The following DLST variants were observed in gnomAD, a reference collection of about 807,000 sequenced individuals.
The protein encoded by DLST is dihydrolipoyllysine-residue succinyltransferase component of 2-oxoglutarate dehydrogenase complex, mitochondrial.
Under a neutral mutation model 53.1 loss-of-function variants are expected in DLST, and 17 were observed. The observed-to-expected ratio is 0.32, with a 90% CI of 0.22 to 0.48. The LOEUF is 0.48. DLST is among the 20% of genes least tolerant of loss of function. DLST has a pLI of 0.99. For missense variants in DLST, 512 were observed against 583.9 expected, an observed-to-expected ratio of 0.88 and a Z score of 1.27; for synonymous variants, 206 against 204.8, an observed-to-expected ratio of 1.01 and a Z score of -0.05.
intron 7 of DLST, 48 bp from the exon 8 acceptor site, chr14:74,892,786 T>G (rs1489551446): frequency 6.5e-7 from 1 of 1,538,822 alleles, no homozygotes; most frequent in Non-Finnish European, 8.7e-7. Context: ...GCTTGGTTGC[T>G]TCTCATTTCA....
chr14:74,894,286 A>C, intron 9 of DLST, 26 bp from the exon 10 acceptor site: 1 of 1,613,082 alleles, frequency 6.2e-7, no homozygotes. Context: ...TCAGATTGTC[A>C]ATGCTTGTTC....
At chr14:74,882,554 T>A in intron 1 of DLST, 37 bp from the exon 2 acceptor site, 1 of 1,610,808 alleles carries the variant, frequency 6.2e-7, no homozygotes, top group Non-Finnish European at 8.5e-7. Flanking sequence ...TTTTTTTTCA[T>A]CTTGGGTGAC....
intron 3 of DLST, chr14:74,886,091 T>C (rs971661678): frequency 7.0e-5 from 11 of 157,948 alleles, no homozygotes; most frequent in African/African-American, 2.7e-4. Flanking sequence ...GGAATGCTGT[T>C]ATTGCATAAT....
In DLST at chr14:74,889,138, G is replaced by A. The variant is rs1226148503; in HGVS notation, c.190G>A (p.Ala64Thr). The change falls in exon 4 of 15, where the codon GCT becomes ACT. Residue 64 changes from alanine to threonine, a missense_variant. Around this residue, in one of 4 missense-constraint regions of DLST, gnomAD observed 129 missense variants for 90.9 expected, o/e 1.42. Coordinates refer to ENST00000334220, the MANE Select transcript of DLST (RefSeq NM_001933.5). ...CAGTGTTCGCTTTTTCAGAACTACA[G>A]CTGTATGCAGTAAGTACCTGCTTTC... ...VFSVRFFRTT[A>T]VCKDDLVTVK... is the part of the protein sequence containing the mutation. The A allele has an allele frequency of 6.2e-7, 1 of 1,614,058 alleles. No individual in the cohort carries two copies. Among genetic ancestry groups the A allele is most frequent in the Non-Finnish European group, 8.5e-7 (1 of 1,180,030 alleles).
In DLST at chr14:74,885,633, G is replaced by A. The variant is rs61755652; in HGVS notation, c.145G>A (p.Val49Ile). ...GPGYPNSRKVVINNSVFSVRF... is the reference protein window; with the variant it reads ...GPGYPNSRKVIINNSVFSVRF... Reference sequence around the variant, plus strand: ...AGGTTACCCTAACAGCAGGAAGGTTGTGTAAGTATCACTGGGGAGTACAGA... The same window carrying A: ...AGGTTACCCTAACAGCAGGAAGGTTATGTAAGTATCACTGGGGAGTACAGA... Residue 49 changes from valine to isoleucine, a missense_variant and splice_region_variant, in exon 3 of 15, where the codon GTC becomes ATC. By Grantham distance (29) the Val-to-Ile change is conservative (BLOSUM62 3). Around this residue, in one of 4 missense-constraint regions of DLST, gnomAD observed 129 missense variants for 90.9 expected, o/e 1.42. Coordinates refer to ENST00000334220, the MANE Select transcript of DLST (RefSeq NM_001933.5). 1,005 of 1,612,968 alleles carry A rather than the reference G, an allele frequency of 6.2e-4. 5 individuals are homozygous for A. The highest frequency in any genetic ancestry group is 3.7e-3 in the South Asian group (336 of 90,954).
chr14:74,894,336 C>T lies in DLST; in HGVS notation c.697C>T (p.Arg233Cys), dbSNP rs1402244328. Residue 233 changes from arginine to cysteine, a missense_variant, in exon 10 of 15, where the codon CGC becomes TGC. Physicochemically the swap from Arg to Cys is radical, Grantham distance 180 (BLOSUM62 -3). This residue lies in a region of DLST where 162 missense variants were observed against 162.0 expected (regional missense o/e 1.00). Coordinates refer to ENST00000334220, the MANE Select transcript of DLST (RefSeq NM_001933.5). ...HREKMNRMRQRIAQRLKEAQN... is the reference protein window; with the variant it reads ...HREKMNRMRQCIAQRLKEAQN... ...GGAGAAAATGAACAGGATGCGGCAG[C>T]GCATTGCTCAGCGTCTGAAGGAGGC... The T allele has an allele frequency of 1.9e-6, 3 of 1,614,112 alleles. No homozygotes were observed. Among genetic ancestry groups the T allele is most frequent in the South Asian group, 1.1e-5 (1 of 91,068 alleles).
At chr14:74,891,987 A>G (rs577460482) in intron 7 of DLST, 1 of 402,328 alleles carries the variant, frequency 2.5e-6, no homozygotes, top group East Asian at 1.6e-4. Context: ...ACAGAAACAA[A>G]CATTTCATTT....
At chr14:74,896,099 T>C (rs1228530837) in intron 10 of DLST, among the ~76,000 whole-genome samples, 1 of 152,154 alleles carries the variant, frequency 6.6e-6, no homozygotes, top group African/African-American at 2.4e-5. Flanking sequence ...GGTCAAGCCA[T>C]CCTCCTGCTT....
At chr14:74,893,716 G>T (rs4903267) in intron 9 of DLST, among the ~76,000 whole-genome samples, 98,635 of 152,048 alleles carry the variant, frequency 0.65, 34,036 homozygotes, top group African/African-American at 0.91. Flanking sequence ...ACTCACCCCC[G>T]TCCTCCCACG....
chr14:74,899,857 C>A, intron 11 of DLST, 66 bp from the exon 12 acceptor site: 2 of 1,281,668 alleles, frequency 1.6e-6, no homozygotes, highest in Non-Finnish European at 2.2e-6. Flanking sequence ...TGTTAATGCA[C>A]ATATTACCTC....
chr14:74,894,519 G>A, intron 10 of DLST, 110 bp downstream of exon 10: 1 of 1,146,234 alleles, frequency 8.7e-7, no homozygotes, highest in Non-Finnish European at 1.2e-6. Flanking sequence ...CAGGGAAGAG[G>A]TATTTGTTTA....
chr14:74,893,727 A>T (rs1278799236), intron 9 of DLST, among the ~76,000 whole-genome samples: 1 of 152,158 alleles, frequency 6.6e-6, no homozygotes, highest in African/African-American at 2.4e-5. Context: ...TCCTCCCACG[A>T]TGTCACACGC....
At chr14:74,882,159 C>T (rs1322700892) in intron 1 of DLST, 143 bp downstream of exon 1, 2 of 709,344 alleles carry the variant, frequency 2.8e-6, no homozygotes, top group East Asian at 3.7e-5. Flanking sequence ...GGCTGGGCGG[C>T]CCGGGGCCGT....
Position 74,901,088 on chromosome 14 carries a change from T to C in DLST, c.1082T>C (p.Ile361Thr), listed in dbSNP as rs769227316. The change falls in exon 14 of 15, where the codon ATT becomes ACT. Residue 361 changes from isoleucine to threonine, a missense_variant. Physicochemically the swap from Ile to Thr is moderately conservative, Grantham distance 89. Transcript: ENST00000334220. Reference protein sequence around the residue: ...GEKARKNELAIEDMDGGTFTI... With the variant: ...GEKARKNELATEDMDGGTFTI... ...TAGGCCCGAAAGAATGAACTTGCCA[T>C]TGAAGATATGGATGGCGGTACCTTC... 1.9e-6 allele frequency: 3 copies of C among 1,613,468 alleles called. No individual in the cohort carries two copies. The highest frequency in any genetic ancestry group is 1.1e-5 in the South Asian group (1 of 90,914).
At position 74,892,903 on chromosome 14, in the gene DLST, C is replaced by T. The variant is rs766047735; in HGVS notation, c.512C>T (p.Ala171Val). 26 of 1,614,040 alleles carry T rather than the reference C, an allele frequency of 1.6e-5. No individual in the cohort carries two copies. Among genetic ancestry groups the T allele is most frequent in the African/African-American group, 2.7e-5 (2 of 74,928 alleles). The change falls in exon 8 of 15, where the codon GCG becomes GTG. Residue 171 changes from alanine to valine, a missense_variant. Transcript: ENST00000334220. ...GCCCCAAAAGCAGAACCTACAGCAG[C>T]GGCAGTTCCTCCCCCTGCAGCACCC... ...AAAPKAEPTA[A>V]AVPPPAAPIP... is the part of the protein sequence containing the mutation.
intron 10 of DLST, among the ~76,000 whole-genome samples, chr14:74,895,137 G>C (rs1884038477): frequency 6.6e-6 from 1 of 152,164 alleles, no homozygotes; most frequent in Admixed American, 6.5e-5. Flanking sequence ...TGAGATGGGA[G>C]GATTGTTTGA....
At chr14:74,885,505 G>T (rs1883671567) in intron 2 of DLST, 81 bp from the exon 3 acceptor site, 6 of 1,386,796 alleles carry the variant, frequency 4.3e-6, no homozygotes, top group South Asian at 1.2e-5. Flanking sequence ...AGGGTTGGGG[G>T]TGAGCAGACC....
chr14:74,892,682 C>A, intron 7 of DLST, 152 bp from the exon 8 acceptor site: 1 of 737,252 alleles, frequency 1.4e-6, no homozygotes, highest in Non-Finnish European at 2.2e-6. Context: ...TGCCTTATGT[C>A]ATTGTGTGTG....
chr14:74,902,263 C>T lies in DLST; in HGVS notation c.1295C>T (p.Ala432Val), dbSNP rs779823391. ...YDHRLIDGREAVTFLRKIKAA... is the reference protein window; with the variant it reads ...YDHRLIDGREVVTFLRKIKAA... ...CACCGGCTGATTGATGGCAGAGAGG[C>T]TGTGACTTTCCTCCGCAAAATCAAG... Residue 432 changes from alanine to valine, a missense_variant, in exon 15 of 15, where the codon GCT (alanine) becomes GTT (valine). Ala to Val is a moderately conservative substitution (Grantham distance 64). Around this residue, in one of 4 missense-constraint regions of DLST, gnomAD observed 186 missense variants for 260.4 expected, o/e 0.71. Transcript: ENST00000334220. 2 of 1,613,566 alleles carry T rather than the reference C, an allele frequency of 1.2e-6. No individual in the cohort carries two copies. The highest frequency in any genetic ancestry group is 1.7e-6 in the Non-Finnish European group (2 of 1,179,764).
Sources: allele counts gnomAD v4.1 joint callset (sites outside exome capture counted in the v4.1 genomes callset), GRCh38; gene constraint gnomAD v4.1.1; regional missense constraint gnomAD v4.1.1; transcripts MANE v1.5; gene names NCBI Gene and HGNC (gene_info 2026-07-23, HGNC 2026-07-21).